The following BMPR1B variants were observed in gnomAD, a reference collection of about 807,000 sequenced individuals.
The protein encoded by BMPR1B is bone morphogenetic protein receptor type-1B.
In BMPR1B, 12 loss-of-function variants were observed where a neutral mutation model predicts 59.1. The observed-to-expected ratio is 0.20, with a 90% CI of 0.13 to 0.33. The LOEUF (loss-of-function observed/expected upper bound fraction) is 0.33, where lower values mean the gene tolerates loss of function less well. Among genes scored for constraint, BMPR1B ranks in the 10% least tolerant of loss-of-function variants. BMPR1B has a pLI of 1.00. For missense variants in BMPR1B, 550 were observed against 610.9 expected, an observed-to-expected ratio of 0.90 and a Z score of 1.05; for synonymous variants, 237 against 207.3, an observed-to-expected ratio of 1.14 and a Z score of -1.23.
At chr4:94,841,823 T>G (rs927580899) in intron 1 of BMPR1B, among the ~76,000 whole-genome samples, 3 of 152,220 alleles carry the variant, frequency 2.0e-5, no homozygotes, top group African/African-American at 7.2e-5. Flanking sequence ...AATCTGGTAA[T>G]AATGAAAATG....
intron 3 of BMPR1B, among the ~76,000 whole-genome samples, chr4:95,044,185 C>G (rs113025059): frequency 6.6e-6 from 1 of 152,048 alleles, no homozygotes; most frequent in Non-Finnish European, 1.5e-5. Flanking sequence ...TATTTGTATG[C>G]GAATTGTTTT....
At chr4:95,038,120 T>C (rs1725395341) in intron 3 of BMPR1B, among the ~76,000 whole-genome samples, 1 of 152,144 alleles carries the variant, frequency 6.6e-6, no homozygotes, top group Non-Finnish European at 1.5e-5. Flanking sequence ...TGAGCCAAGA[T>C]TTGAAGGAGT....
intron 3 of BMPR1B, among the ~76,000 whole-genome samples, chr4:95,053,939 A>G (rs546498158): frequency 1.3e-5 from 2 of 152,310 alleles, no homozygotes; most frequent in East Asian, 3.9e-4. Context: ...ATCCTTTACA[A>G]TTATTAATTC....
intron 1 of BMPR1B, among the ~76,000 whole-genome samples, chr4:94,797,139 G>A (rs1229882286): frequency 3.3e-5 from 5 of 152,166 alleles, no homozygotes; most frequent in Non-Finnish European, 5.9e-5. Flanking sequence ...GAATTAGGAC[G>A]AAGCAAAAGG....
chr4:95,069,165 A>AAGATTATATATCTTGAAT (rs1728083660), intron 3 of BMPR1B, among the ~76,000 whole-genome samples: 2 of 152,260 alleles, frequency 1.3e-5, no homozygotes, highest in African/African-American at 4.8e-5. Context: ...GAATCTGACC[A>AAGATTATATATCTTGAAT]CTTCTCATCA....
At chr4:95,020,432 A>G (rs1723893352) in intron 3 of BMPR1B, among the ~76,000 whole-genome samples, 1 of 152,134 alleles carries the variant, frequency 6.6e-6, no homozygotes, top group African/African-American at 2.4e-5. Context: ...ACAAAAAATT[A>G]GCTGGGCGTG....
At chr4:94,971,585 A>C (rs1730793568) in intron 2 of BMPR1B, among the ~76,000 whole-genome samples, 1 of 151,468 alleles carries the variant, frequency 6.6e-6, no homozygotes, top group South Asian at 2.1e-4. Flanking sequence ...AAATCTAATA[A>C]CTCTTTTTCC....
intron 3 of BMPR1B, among the ~76,000 whole-genome samples, chr4:95,026,006 G>A (rs1724326514): frequency 6.6e-6 from 1 of 152,100 alleles, no homozygotes; most frequent in Non-Finnish European, 1.5e-5. Flanking sequence ...GTACACCTGA[G>A]GGTACGTCAG....
chr4:95,020,723 A>G lies in BMPR1B; in HGVS notation c.-18+24589A>G, dbSNP rs377176130. On this transcript the variant is annotated intron_variant, in intron 3 of 12. Coordinates refer to ENST00000515059, the MANE Select transcript of BMPR1B (RefSeq NM_001203.3). The stretch of plus-strand genomic sequence containing the variant: ...TTTGTTATTAGTTTTGAGACACGTT[A>G]TTGTCTGTTGCCTAGGCTAGAGTAC... Among the ~76,000 whole-genome samples, 8 of 152,130 alleles carry G rather than the reference A, an allele frequency of 5.3e-5. No individual in the cohort carries two copies. In the East Asian group the frequency reaches 1.4e-3, roughly 26 times the overall value.
rs769195694 is a variant in BMPR1B at position 95,131,322 on chromosome 4, C to T, written c.886C>T (p.Leu296=). 5.3e-5 allele frequency: 85 copies of T among 1,613,992 alleles called. No individual in the cohort carries two copies. The highest frequency in any genetic ancestry group is 6.9e-5 in the Non-Finnish European group (82 of 1,179,968). ...TTATGATTATCTGAAGTCCACCACCCTAGACGCTAAATCAATGCTGAAGTT... is the reference window on the plus strand; with the variant it reads ...TTATGATTATCTGAAGTCCACCACCTTAGACGCTAAATCAATGCTGAAGTT... The part of the protein sequence containing the change: ...SLYDYLKSTT[L]DAKSMLKLAY... The change falls in exon 10 of 13, where the codon CTA becomes TTA. Residue 296 remains leucine (L), a synonymous_variant. Coordinates refer to ENST00000515059, the MANE Select transcript of BMPR1B (RefSeq NM_001203.3).
At position 95,126,330 on chromosome 4, in the gene BMPR1B, A is replaced by G. The variant is rs139448000; in HGVS notation, c.585+1209A>G. On this transcript the variant is annotated intron_variant, in intron 8 of 12. Transcript: ENST00000515059. Reference sequence around the variant, plus strand: ...CTTTCAGCTCCTACTTTTAATAGCTATAAAAATACTGTCTTGTTTCTATAA... The same window carrying G: ...CTTTCAGCTCCTACTTTTAATAGCTGTAAAAATACTGTCTTGTTTCTATAA... Among the ~76,000 whole-genome samples the G allele has an allele frequency of 4.6e-3, 698 of 152,320 alleles. 5 individuals carry two copies. Among genetic ancestry groups the G allele is most frequent in the African/African-American group, 0.016 (669 of 41,572 alleles).
At chr4:95,029,012 T>C (rs940763425) in intron 3 of BMPR1B, among the ~76,000 whole-genome samples, 1 of 137,180 alleles carries the variant, frequency 7.3e-6, no homozygotes, top group African/African-American at 3.0e-5. Context: ...TGAAATGATC[T>C]CTTATCTGTG....
At chr4:94,882,044 G>A (rs1726994175) in intron 2 of BMPR1B, among the ~76,000 whole-genome samples, 1 of 152,204 alleles carries the variant, frequency 6.6e-6, no homozygotes, top group Non-Finnish European at 1.5e-5. Flanking sequence ...AAGAATGTGT[G>A]AAAAGCTGTG....
chr4:95,053,846 C>G (rs1247983631), intron 3 of BMPR1B, among the ~76,000 whole-genome samples: 1 of 152,014 alleles, frequency 6.6e-6, no homozygotes, highest in African/African-American at 2.4e-5. Flanking sequence ...ACAGAATGTG[C>G]TATAAACAGA....
chr4:94,849,335 G>A (rs973978721), intron 1 of BMPR1B, among the ~76,000 whole-genome samples: 3 of 152,250 alleles, frequency 2.0e-5, no homozygotes, highest in East Asian at 1.9e-4. Context: ...GAGAGTCAAC[G>A]GGTGCCCTTG....
At chr4:94,927,553 A>C (rs1038661238) in intron 2 of BMPR1B, among the ~76,000 whole-genome samples, 1 of 152,144 alleles carries the variant, frequency 6.6e-6, no homozygotes, top group Non-Finnish European at 1.5e-5. Context: ...AGAAGATGGG[A>C]GAAAAGGACA....
intron 2 of BMPR1B, among the ~76,000 whole-genome samples, chr4:94,930,648 A>G (rs1405707091): frequency 6.6e-6 from 1 of 152,134 alleles, no homozygotes; most frequent in Admixed American, 6.6e-5. Context: ...CAAGGAACTC[A>G]CTGCCTAGTG....
intron 3 of BMPR1B, among the ~76,000 whole-genome samples, chr4:95,050,092 G>C (rs1034040227): frequency 6.6e-6 from 1 of 152,112 alleles, no homozygotes; most frequent in Admixed American, 6.5e-5. Context: ...ACCATGTTGT[G>C]AATGTGGCTC....
chr4:95,026,266 A>G (rs1465610419), intron 3 of BMPR1B, among the ~76,000 whole-genome samples: 1 of 151,702 alleles, frequency 6.6e-6, no homozygotes, highest in Non-Finnish European at 1.5e-5. Context: ...GACTTACTTG[A>G]TTCTGAAGTC....
Sources: gnomAD v4.1 joint callset for allele counts (sites outside exome capture counted in the v4.1 genomes callset) on GRCh38, gnomAD v4.1.1 for gene constraint, MANE v1.5 for transcripts, NCBI Gene and HGNC (gene_info 2026-07-23, HGNC 2026-07-21) for gene names.